Variants in IGFN1 observed in about 807,000 individuals in gnomAD.
IGFN1 encodes the protein immunoglobulin like and fibronectin type III domain containing 1, also known as immunoglobulin-like and fibronectin type III domain-containing protein 1.
Under a neutral mutation model 289.5 loss-of-function variants are expected in IGFN1, and 253 were observed. That is an observed-to-expected ratio of 0.87 (90% CI 0.79 to 0.97). The LOEUF (loss-of-function observed/expected upper bound fraction) is 0.97. Ranked by LOEUF, IGFN1 falls within the 50% of genes least tolerant of loss-of-function variation. The pLI is 0.00. For synonymous variants in IGFN1, 1,706 were observed against 1,788.5 expected (o/e 0.95, Z 1.16); for missense variants, 4,470 against 4,686.1 (o/e 0.95, Z 1.35).
intron 23 of IGFN1, among the ~76,000 whole-genome samples, chr1:201,227,592 G>A (rs1040990789): frequency 5.3e-5 from 8 of 151,626 alleles, no homozygotes; most frequent in Non-Finnish European, 7.4e-5. Context: ...CACACCTGGC[G>A]GATTTTTTTG....
At chr1:201,224,542 C>T (rs1653954292) in intron 20 of IGFN1, 137 bp from the exon 21 acceptor site, 9 of 675,612 alleles carry the variant, frequency 1.3e-5, no homozygotes, top group Admixed American at 5.8e-5. Flanking sequence ...TTCTTGTCGA[C>T]GTTGTGTTTT....
intron 9 of IGFN1, among the ~76,000 whole-genome samples, chr1:201,202,726 TCCCTC>T (rs1667218072): frequency 1.5e-5 from 1 of 65,844 alleles, no homozygotes; most frequent in East Asian, 5.1e-4. Context: ...CCTCCCTCCC[TCCCTC>T]CCTCCCTCCC....
chr1:201,195,867 C>T lies in IGFN1; in HGVS notation c.156C>T (p.Val52=). The T allele has an allele frequency of 6.4e-7, 1 of 1,551,710 alleles. No individual in the cohort carries two copies. Among genetic ancestry groups the T allele is most frequent in the Non-Finnish European group, 8.7e-7 (1 of 1,146,986 alleles). ...AAAATGCTGTCTTTCGGGCTGTGGT[C>T]TGTGGGGAGCCCAGGCCCGAGGTGC... ...EGKNAVFRAV[V]CGEPRPEVRW... Residue 52 remains valine, a synonymous_variant, in exon 4 of 24, where the codon GTC becomes GTT. Coordinates refer to ENST00000335211, the MANE Select transcript of IGFN1 (RefSeq NM_001164586.2).
chr1:201,208,177 G>A lies in IGFN1; in HGVS notation c.3284G>A (p.Gly1095Glu). 3 of 1,537,014 alleles carry A rather than the reference G, an allele frequency of 2.0e-6. No individual in the cohort carries two copies. Among genetic ancestry groups the A allele is most frequent in the South Asian group, 1.2e-5 (1 of 84,054 alleles). The change falls in exon 12 of 24, where the codon GGA (glycine) becomes GAA (glutamate). Residue 1095 changes from glycine (G) to glutamate (E), a missense_variant. By Grantham distance (98) the Gly-to-Glu change is moderately conservative. Transcript: ENST00000335211. The stretch of plus-strand genomic sequence containing the variant: ...GGTAGAGGTGGTCTCAAGGCCCCTG[G>A]AGTAGTGGAGACTGTTGGGATGGGA... The part of the protein sequence containing the change: ...SAGRGGLKAP[G>E]VVETVGMGCV...
chr1:201,212,712 G>A lies in IGFN1; in HGVS notation c.7819G>A (p.Gly2607Arg). ...QDLDSGSMPG[G>R]RGKSTSGPAD... ...TCTGGACAGCGGCTCTATGCCTGGGGGAAGGGGCAAGTCAACATCAGGGCC... is the reference window on the plus strand; with the variant it reads ...TCTGGACAGCGGCTCTATGCCTGGGAGAAGGGGCAAGTCAACATCAGGGCC... Residue 2607 changes from glycine to arginine, a missense_variant, in exon 12 of 24, where the codon GGA (glycine) becomes AGA (arginine). Coordinates refer to ENST00000335211, the MANE Select transcript of IGFN1 (RefSeq NM_001164586.2). 5.8e-6 allele frequency: 9 copies of A among 1,550,652 alleles called. No individual in the cohort carries two copies. The highest frequency in any genetic ancestry group is 7.9e-6 in the Non-Finnish European group (9 of 1,146,408).
chr1:201,195,799 C>T (rs771078964), intron 3 of IGFN1, 40 bp from the exon 4 acceptor site: 2 of 1,538,588 alleles, frequency 1.3e-6, no homozygotes, highest in South Asian at 2.4e-5. Context: ...TCACCCTCTC[C>T]CAACTTGTCA....
chr1:201,192,203 G>A (rs554418406), intron 1 of IGFN1, among the ~76,000 whole-genome samples: 1 of 152,372 alleles, frequency 6.6e-6, no homozygotes, highest in African/African-American at 2.4e-5. Context: ...GGGGTCAGAA[G>A]TGCCAGTGGG....
Position 201,218,603 on chromosome 1 carries a change from A to C in IGFN1, c.9843A>C (p.Ser3281=), listed in dbSNP as rs1360041123. ...YEFRVTAVAP[S]GPGEPGPPSD... is the part of the protein sequence containing the mutation. ...TCCGGGTCACAGCTGTGGCTCCCTC[A>C]GGTCCCGGAGAGCCTGGACCTCCAT... The change falls in exon 18 of 24, where the codon TCA becomes TCC. Residue 3281 remains serine (S), a synonymous_variant. Transcript: ENST00000335211. 1.9e-6 allele frequency: 3 copies of C among 1,612,518 alleles called. No individual in the cohort carries two copies. Among genetic ancestry groups the C allele is most frequent in the Admixed American group, 3.3e-5 (2 of 59,992 alleles).
Position 201,217,376 on chromosome 1 carries a change from A to T in IGFN1, c.9685A>T (p.Ser3229Cys). The change falls in exon 17 of 24, where the codon AGC (serine) becomes TGC (cysteine). Residue 3229 changes from serine (S) to cysteine (C), a missense_variant. Physicochemically the swap from Ser to Cys is moderately radical, Grantham distance 112. Transcript: ENST00000335211. ...LTWTAPRGPGSAHILGYLIER... is the reference protein window; with the variant it reads ...LTWTAPRGPGCAHILGYLIER... ...ATGGACAGCACCTCGGGGCCCCGGC[A>T]GCGCCCACATCCTGGGCTACCTGAT... 6.2e-7 allele frequency: 1 copy of T among 1,614,104 alleles called. No homozygotes were observed. The highest frequency in any genetic ancestry group is 1.1e-5 in the South Asian group (1 of 91,078).
chr1:201,200,151 C>T, intron 7 of IGFN1, 86 bp from the exon 8 acceptor site: 1 of 1,143,344 alleles, frequency 8.7e-7, no homozygotes, highest in Non-Finnish European at 1.2e-6. Context: ...AGCAGCTTCC[C>T]AGAACTACTT....
chr1:201,226,115 G>A lies in IGFN1; in HGVS notation c.10778G>A (p.Arg3593Gln), dbSNP rs772963488. 93 of 1,592,408 alleles carry A rather than the reference G, an allele frequency of 5.8e-5. No individual in the cohort carries two copies. Among genetic ancestry groups the A allele is most frequent in the Non-Finnish European group, 6.8e-5 (79 of 1,167,636 alleles). Residue 3593 changes from arginine (R) to glutamine (Q), a missense_variant, in exon 22 of 24, where the codon CGG becomes CAG. Coordinates refer to ENST00000335211, the MANE Select transcript of IGFN1 (RefSeq NM_001164586.2). ...SDTSQPWCIP[R>Q]QRDRFTVKAP... ...ACCAGCCAGCCCTGGTGCATCCCCC[G>A]GCAGCGCGGTAAGCAGCCCCTGAGA...
chr1:201,212,248 G>A lies in IGFN1; in HGVS notation c.7355G>A (p.Gly2452Glu). 2.0e-6 allele frequency: 3 copies of A among 1,535,188 alleles called. No individual in the cohort carries two copies. The highest frequency in any genetic ancestry group is 1.7e-6 in the Non-Finnish European group (2 of 1,146,110). Reference sequence around the variant, plus strand: ...GGCACAGGGGTGCTGGGGTCTCAGGGAGGGCGACAGACTCTTTCAGATGAG... The same window carrying A: ...GGCACAGGGGTGCTGGGGTCTCAGGAAGGGCGACAGACTCTTTCAGATGAG... The part of the protein sequence containing the change: ...LRGTGVLGSQ[G>E]GRQTLSDERG... Residue 2452 changes from glycine (G) to glutamate (E), a missense_variant, in exon 12 of 24, where the codon GGA (glycine) becomes GAA (glutamate). Coordinates refer to ENST00000335211, the MANE Select transcript of IGFN1 (RefSeq NM_001164586.2).
intron 7 of IGFN1, 29 bp from the exon 8 acceptor site, chr1:201,200,208 G>A (rs750470350): frequency 3.9e-6 from 6 of 1,540,774 alleles, no homozygotes; most frequent in South Asian, 1.2e-5. Flanking sequence ...GATTCCTCTG[G>A]CCTCTGACCT....
intron 21 of IGFN1, among the ~76,000 whole-genome samples, chr1:201,225,264 T>C (rs1654002551): frequency 6.6e-6 from 1 of 152,214 alleles, no homozygotes; most frequent in Admixed American, 6.5e-5. Flanking sequence ...ACACAGCCCC[T>C]GCCCTGGAGG....
intron 19 of IGFN1, chr1:201,222,034 T>C (rs1414710865): frequency 7.3e-6 from 2 of 274,210 alleles, no homozygotes; most frequent in Non-Finnish European, 1.4e-5. Flanking sequence ...TCACTAATGG[T>C]ATGTGGTACA....
intron 10 of IGFN1, among the ~76,000 whole-genome samples, 176 bp from the exon 11 acceptor site, chr1:201,204,906 C>T (rs1667330653): frequency 6.6e-6 from 1 of 152,166 alleles, no homozygotes; most frequent in Non-Finnish European, 1.5e-5. Flanking sequence ...TGTAGCCCCT[C>T]ATTTTACTTG....
chr1:201,216,401 C>A, intron 15 of IGFN1, 53 bp from the exon 16 acceptor site: 1 of 1,434,892 alleles, frequency 7.0e-7, no homozygotes, highest in Non-Finnish European at 9.2e-7. Flanking sequence ...GGCGCTGCTC[C>A]CCTCCAGCTC....
At chr1:201,226,226 G>T (rs1293432607) in intron 22 of IGFN1, 103 bp downstream of exon 22, 10 of 1,290,492 alleles carry the variant, frequency 7.7e-6, no homozygotes, top group Non-Finnish European at 1.0e-5. Flanking sequence ...AGGGACTGTG[G>T]CAGGGATGGC....
Position 201,207,863 on chromosome 1 carries a change from T to A in IGFN1, c.2970T>A (p.Gly990=), listed in dbSNP as rs1163757337. ...PGEMGSGHGA[G]CRVSPRAPAG... ...AAATGGGGTCCGGCCATGGTGCTGGTTGTAGAGTTTCCCCTAGGGCACCTG... is the reference window on the plus strand; with the variant it reads ...AAATGGGGTCCGGCCATGGTGCTGGATGTAGAGTTTCCCCTAGGGCACCTG... Residue 990 remains glycine (G), a synonymous_variant, in exon 12 of 24, where the codon GGT becomes GGA. Coordinates refer to ENST00000335211, the MANE Select transcript of IGFN1 (RefSeq NM_001164586.2). 1 of 1,535,850 alleles carries A rather than the reference T, an allele frequency of 6.5e-7. No individual in the cohort carries two copies. Among genetic ancestry groups the A allele is most frequent in the South Asian group, 1.2e-5 (1 of 83,964 alleles).
Sources: allele counts gnomAD v4.1 joint callset (sites outside exome capture counted in the v4.1 genomes callset), GRCh38; gene constraint gnomAD v4.1.1; transcripts MANE v1.5; gene names NCBI Gene and HGNC (gene_info 2026-07-23, HGNC 2026-07-21).